PPP2R5C: variants seen among roughly 807,000 people sequenced by gnomAD.
The protein encoded by PPP2R5C is protein phosphatase 2 regulatory subunit B'gamma, also known as serine/threonine-protein phosphatase 2A 56 kDa regulatory subunit gamma isoform.
In PPP2R5C, 7 loss-of-function variants were observed where a neutral mutation model predicts 68.9. The observed-to-expected ratio is 0.10, with a 90% CI of 0.06 to 0.19. PPP2R5C has a LOEUF of 0.19. PPP2R5C is among the 10% of genes least tolerant of loss of function. The pLI is 1.00. For synonymous variants in PPP2R5C, 210 were observed against 222.2 expected (o/e 0.95, Z 0.49); for missense variants, 348 against 641.3 (o/e 0.54, Z 4.94).
intron 1 of PPP2R5C, among the ~76,000 whole-genome samples, chr14:101,812,328 G>A (rs866814054): frequency 6.6e-6 from 1 of 152,164 alleles, no homozygotes; most frequent in African/African-American, 2.4e-5. Context: ...CAGGGTGCCC[G>A]GGAGAGCAGG....
chr14:101,919,353 C>A (rs2046884055), intron 13 of PPP2R5C, among the ~76,000 whole-genome samples: 1 of 152,206 alleles, frequency 6.6e-6, no homozygotes, highest in South Asian at 2.1e-4. Flanking sequence ...TCTATCTAAT[C>A]CAGTTGGTTC....
In PPP2R5C at chr14:101,847,663, C is replaced by CTT. The variant is rs3043777; in HGVS notation, c.95-9005_95-9004dup. 4.4e-3 allele frequency among the ~76,000 whole-genome samples: 561 copies of CTT among 128,264 alleles called. 10 individuals carry two copies. Among genetic ancestry groups the CTT allele is most frequent in the Middle Eastern group, 0.016 (4 of 248 alleles). 84.1% of individuals were successfully genotyped at this position (128,264 alleles called of 152,430 possible). On this transcript the variant is annotated intron_variant, in intron 1 of 13. Coordinates refer to ENST00000334743, the Ensembl canonical transcript of PPP2R5C. ...CTGTGTCCTCATGGTTGGGGCTGCT[C>CTT]TTTTTTTTTTTTTTTTTTTCCTGAG...
upstream of PPP2R5C, among the ~76,000 whole-genome samples, chr14:101,806,841 G>A (rs562794327): frequency 2.0e-4 from 31 of 151,844 alleles, no homozygotes; most frequent in Non-Finnish European, 2.9e-4. Context: ...TCAAGCCTGC[G>A]GTCCCAGCTC....
chr14:101,863,802 G>A (rs1330638241), intron 2 of PPP2R5C, among the ~76,000 whole-genome samples: 1 of 152,166 alleles, frequency 6.6e-6, no homozygotes, highest in Non-Finnish European at 1.5e-5. Flanking sequence ...GAAGACTGAG[G>A]CAGAAGAATC....
At chr14:101,848,841 G>A (rs2041991226) in intron 1 of PPP2R5C, among the ~76,000 whole-genome samples, 1 of 152,148 alleles carries the variant, frequency 6.6e-6, no homozygotes, top group Admixed American at 6.5e-5. Flanking sequence ...TGTATCTTTA[G>A]CCTTTGTTAT....
chr14:101,885,991 T>C (rs1303966245), intron 5 of PPP2R5C, among the ~76,000 whole-genome samples: 1 of 152,148 alleles, frequency 6.6e-6, no homozygotes. Flanking sequence ...ATTTAAGAAG[T>C]AGAAAATGGG....
At chr14:101,792,868 A>C (rs2038421286) in intron 3 of PPP2R5C, among the ~76,000 whole-genome samples, 1 of 146,738 alleles carries the variant, frequency 6.8e-6, no homozygotes, top group Non-Finnish European at 1.5e-5. Context: ...ACTTCAAATC[A>C]GCCATTTTTC....
intron 2 of PPP2R5C, among the ~76,000 whole-genome samples, chr14:101,872,365 G>C (rs768092596): frequency 7.9e-5 from 12 of 151,374 alleles, no homozygotes; most frequent in Admixed American, 2.0e-4. Context: ...CTCTGCCCCA[G>C]TAGCTGGGAT....
intron 3 of PPP2R5C, among the ~76,000 whole-genome samples, chr14:101,798,668 G>C (rs2038725286): frequency 6.6e-6 from 1 of 152,258 alleles, no homozygotes; most frequent in Non-Finnish European, 1.5e-5. Context: ...TTTGATGGGA[G>C]ACCATATTGA....
intron 1 of PPP2R5C, among the ~76,000 whole-genome samples, chr14:101,840,776 C>T (rs911853266): frequency 2.0e-5 from 3 of 152,172 alleles, no homozygotes; most frequent in Non-Finnish European, 4.4e-5. Flanking sequence ...TTTATCAGGG[C>T]ATATGCATAA....
At chr14:101,817,861 G>A (rs186643310) in intron 1 of PPP2R5C, among the ~76,000 whole-genome samples, 2 of 152,170 alleles carry the variant, frequency 1.3e-5, no homozygotes, top group African/African-American at 2.4e-5. Flanking sequence ...CTGGAGTGTC[G>A]TGAGACTCAG....
intron 1 of PPP2R5C, among the ~76,000 whole-genome samples, chr14:101,845,138 TAAAAAA>T (rs560828976): frequency 2.7e-5 from 4 of 145,888 alleles, no homozygotes; most frequent in African/African-American, 1.0e-4. Context: ...TTTCCCTGTT[TAAAAAA>T]AAAAAAAAAT....
At chr14:101,776,300 A>T (rs2037418464) in intron 2 of PPP2R5C, among the ~76,000 whole-genome samples, 1 of 152,172 alleles carries the variant, frequency 6.6e-6, no homozygotes, top group Non-Finnish European at 1.5e-5. Flanking sequence ...GTTCCCTGTA[A>T]CCAGCATTCC....
intron 5 of PPP2R5C, among the ~76,000 whole-genome samples, chr14:101,887,378 G>C (rs1271713242): frequency 6.6e-6 from 1 of 152,176 alleles, no homozygotes; most frequent in East Asian, 1.9e-4. Context: ...CCATCAAACT[G>C]TCCCCATCAT....
At chr14:101,886,822 T>C (rs577201721) in intron 5 of PPP2R5C, among the ~76,000 whole-genome samples, 1 of 152,308 alleles carries the variant, frequency 6.6e-6, no homozygotes, top group Non-Finnish European at 1.5e-5. Flanking sequence ...CTCAAACCCC[T>C]GGGCTTAAGG....
At position 101,814,323 on chromosome 14, in the gene PPP2R5C, A is replaced by G. The variant is rs149619118; in HGVS notation, c.94+4287A>G. 1.5e-3 allele frequency among the ~76,000 whole-genome samples: 231 copies of G among 152,274 alleles called. 2 individuals are homozygous for G. Among genetic ancestry groups the G allele is most frequent in the Non-Finnish European group, 2.5e-3 (169 of 68,016 alleles). ...TAGAACTACAGCCTTAACCTTACCC[A>G]TATCCTATCCTGTATCCAATCCTGT... On this transcript the variant is annotated intron_variant, in intron 1 of 13. Coordinates refer to ENST00000334743, the Ensembl canonical transcript of PPP2R5C.
Position 101,883,250 on chromosome 14 carries a change from C to T in PPP2R5C, c.406-7C>T, listed in dbSNP as rs765399727. ...GTTATTTGACTCATTGTTTTTTTTC[C>T]TCCTAGCTTGTTTATGAATTTTTCT... On this transcript the variant is annotated splice_region_variant and splice_polypyrimidine_tract_variant and intron_variant, in intron 3 of 13. Coordinates refer to ENST00000334743, the Ensembl canonical transcript of PPP2R5C. 1.2e-5 allele frequency: 18 copies of T among 1,517,334 alleles called. No homozygotes were observed. The highest frequency in any genetic ancestry group is 2.1e-5 in the Admixed American group (1 of 46,540). 94.0% of individuals were successfully genotyped at this position (1,517,334 alleles called of 1,614,324 possible). A position where few individuals can be genotyped will look rare whatever the true frequency, so the allele number is the denominator to read the frequency against.
chr14:101,914,732 G>A (rs2141135535), intron 12 of PPP2R5C, among the ~76,000 whole-genome samples: 1 of 152,284 alleles, frequency 6.6e-6, no homozygotes, highest in South Asian at 2.1e-4. Context: ...AGCAGTTATG[G>A]CAACTTTATT....
intron 2 of PPP2R5C, among the ~76,000 whole-genome samples, chr14:101,858,687 T>C (rs2042579910): frequency 6.6e-6 from 1 of 152,184 alleles, no homozygotes; most frequent in Non-Finnish European, 1.5e-5. Flanking sequence ...GTATGTTAGA[T>C]TTATAAGTAT....
Sources: allele counts gnomAD v4.1 joint callset (sites outside exome capture counted in the v4.1 genomes callset), GRCh38; gene constraint gnomAD v4.1.1; transcripts MANE v1.5; gene names NCBI Gene and HGNC (gene_info 2026-07-23, HGNC 2026-07-21).